Variants in TCEA3 observed in about 807,000 individuals in gnomAD.
TCEA3 encodes transcription elongation factor A3.
TCEA3 carries 36 observed loss-of-function variants against 44.0 expected under a neutral mutation model. That is an observed-to-expected ratio of 0.82 (90% CI 0.63 to 1.08). The LOEUF is 1.08. Ranked by LOEUF, TCEA3 falls within the 50% of genes least tolerant of loss-of-function variation. The pLI is 0.00. For synonymous variants in TCEA3, 162 were observed against 159.7 expected, an observed-to-expected ratio of 1.01 and a Z score of -0.11; for missense variants, 392 against 441.2, an observed-to-expected ratio of 0.89 and a Z score of 1.00.
intron 4 of TCEA3, 125 bp from the exon 5 acceptor site, chr1:23,408,851 A>G: frequency 1.2e-6 from 1 of 847,622 alleles, no homozygotes; most frequent in Non-Finnish European, 1.8e-6. Context: ...CACCCGGGCC[A>G]CAGCTACTTG....
chr1:23,402,908 C>T (rs1187146578), intron 5 of TCEA3, among the ~76,000 whole-genome samples: 1 of 152,196 alleles, frequency 6.6e-6, no homozygotes, highest in Non-Finnish European at 1.5e-5. Context: ...ATGAAAGGCA[C>T]ACCCAGAGGG....
At chr1:23,385,247 G>A (rs920638599) in intron 9 of TCEA3, among the ~76,000 whole-genome samples, 6 of 152,146 alleles carry the variant, frequency 3.9e-5, no homozygotes, top group Non-Finnish European at 7.3e-5. Context: ...AATCAGCTAC[G>A]AATGATGTCA....
At chr1:23,423,064 C>G (rs1198438) in intron 1 of TCEA3, among the ~76,000 whole-genome samples, 114,004 of 152,164 alleles carry the variant, frequency 0.75, 44,625 homozygotes, top group Middle Eastern at 0.89. Flanking sequence ...TCCCTGGCTG[C>G]GCTCTGCCAA....
chr1:23,414,770 T>C (rs1639837677), intron 4 of TCEA3, among the ~76,000 whole-genome samples: 1 of 152,170 alleles, frequency 6.6e-6, no homozygotes, highest in Admixed American at 6.5e-5. Flanking sequence ...TTATAAAAAA[T>C]ACAAAATCGC....
At position 23,397,875 on chromosome 1, in the gene TCEA3, C is replaced by CAA; in HGVS notation, c.523_524insTT (p.Cys175PhefsTer26). 1.2e-6 allele frequency: 2 copies of CAA among 1,613,840 alleles called. No homozygotes were observed. Among genetic ancestry groups the CAA allele is most frequent in the East Asian group, 4.5e-5 (2 of 44,874 alleles). The stretch of plus-strand genomic sequence containing the variant: ...TGTGAGATAGCAGGGGGCCAGGAGA[C>CAA]ACATGGAAGAGGCAAACGTGGGGGT... On this transcript the variant is annotated frameshift_variant, in exon 6 of 11. Coordinates refer to ENST00000450454, the MANE Select transcript of TCEA3 (RefSeq NM_003196.3). LOFTEE classifies it high-confidence loss of function.
At chr1:23,413,162 G>T (rs1401500378) in intron 4 of TCEA3, among the ~76,000 whole-genome samples, 2 of 151,444 alleles carry the variant, frequency 1.3e-5, no homozygotes, top group African/African-American at 4.9e-5. Flanking sequence ...TTTTTAGACT[G>T]AGTCTCACTC....
chr1:23,382,911 C>T (rs1201419848), intron 10 of TCEA3, among the ~76,000 whole-genome samples: 1 of 152,214 alleles, frequency 6.6e-6, no homozygotes, highest in Non-Finnish European at 1.5e-5. Flanking sequence ...AATACATAAT[C>T]ATCTGGTTTT....
chr1:23,405,949 C>G (rs1460545312), intron 5 of TCEA3, among the ~76,000 whole-genome samples: 1 of 152,146 alleles, frequency 6.6e-6, no homozygotes. Flanking sequence ...GTTCCTGCCA[C>G]GAAATGTCAG....
intron 9 of TCEA3, among the ~76,000 whole-genome samples, chr1:23,385,701 T>C (rs1638816368): frequency 6.6e-6 from 1 of 152,236 alleles, no homozygotes; most frequent in Non-Finnish European, 1.5e-5. Context: ...GGGCATACCA[T>C]GTGCAACCCA....
intron 5 of TCEA3, among the ~76,000 whole-genome samples, chr1:23,400,231 A>C (rs1414003957): frequency 6.6e-6 from 1 of 152,160 alleles, no homozygotes; most frequent in Non-Finnish European, 1.5e-5. Flanking sequence ...CCCATTTTAC[A>C]GATGATGGAA....
chr1:23,418,964 A>G (rs1470964687), intron 2 of TCEA3, 113 bp downstream of exon 2: 2 of 372,254 alleles, frequency 5.4e-6, no homozygotes, highest in African/African-American at 4.5e-5. Flanking sequence ...CCCTCCCCAC[A>G]GGCCCCCCTC....
At chr1:23,382,194 G>T (rs987916052) in intron 10 of TCEA3, among the ~76,000 whole-genome samples, 5 of 152,004 alleles carry the variant, frequency 3.3e-5, no homozygotes, top group African/African-American at 1.2e-4. Flanking sequence ...TTACAGGCAT[G>T]TGTCACCACG....
Position 23,399,142 on chromosome 1 carries a change from A to ATG in TCEA3, c.444-1189_444-1188dup, listed in dbSNP as rs1419054820. The stretch of plus-strand genomic sequence containing the variant: ...AGGTTTTGTTTATATATATGTATAT[A>ATG]TGTATATATATATATATATATATAT... On this transcript the variant is annotated intron_variant, in intron 5 of 10. Coordinates refer to ENST00000450454, the MANE Select transcript of TCEA3 (RefSeq NM_003196.3). Among the ~76,000 whole-genome samples the ATG allele has an allele frequency of 2.3e-3, 168 of 72,020 alleles. 2 individuals carry two copies. The highest frequency in any genetic ancestry group is 0.012 in the African/African-American group (159 of 13,288). 47.2% of individuals were successfully genotyped at this position (72,020 alleles called of 152,430 possible).
At chr1:23,419,782 G>A (rs1263573659) in intron 1 of TCEA3, among the ~76,000 whole-genome samples, 1 of 152,190 alleles carries the variant, frequency 6.6e-6, no homozygotes, top group East Asian at 1.9e-4. Context: ...GTTACAGTGA[G>A]CCAAGATCAC....
intron 4 of TCEA3, among the ~76,000 whole-genome samples, chr1:23,415,300 G>C (rs1378307463): frequency 6.6e-6 from 1 of 152,184 alleles, no homozygotes; most frequent in Non-Finnish European, 1.5e-5. Context: ...TGGGATTACA[G>C]GCATGGGCCA....
At chr1:23,423,659 C>T (rs998972837) in intron 1 of TCEA3, among the ~76,000 whole-genome samples, 2 of 152,210 alleles carry the variant, frequency 1.3e-5, no homozygotes, top group Non-Finnish European at 2.9e-5. Context: ...GTGGGAAGGG[C>T]ATGCTCACCA....
chr1:23,398,292 G>A (rs564417688), intron 5 of TCEA3, among the ~76,000 whole-genome samples: 9 of 152,188 alleles, frequency 5.9e-5, no homozygotes, highest in Admixed American at 1.3e-4. Context: ...GCCACTGTGC[G>A]TTACTCATTA....
At chr1:23,422,400 G>A (rs113470323) in intron 1 of TCEA3, among the ~76,000 whole-genome samples, 5,646 of 152,302 alleles carry the variant, frequency 0.037, 143 homozygotes, top group Middle Eastern at 0.15. Flanking sequence ...GCACTTGGTT[G>A]CATGTTTGAA....
chr1:23,424,728 C>T lies in TCEA3; in HGVS notation c.-95G>A, dbSNP rs1449250195. On this transcript the variant is annotated 5_prime_UTR_variant, in exon 1 of 11. Coordinates refer to ENST00000450454, the MANE Select transcript of TCEA3 (RefSeq NM_003196.3). ...GAAGGCGGAGGGCGCGCAACCCGCGCGGGCCCCAAACACACACGACACACA... is the reference window on the plus strand; with the variant it reads ...GAAGGCGGAGGGCGCGCAACCCGCGTGGGCCCCAAACACACACGACACACA... 7 of 946,650 alleles carry T rather than the reference C, an allele frequency of 7.4e-6. No homozygotes were observed. Among genetic ancestry groups the T allele is most frequent in the Non-Finnish European group, 1.1e-5 (7 of 624,806 alleles). 58.6% of individuals were successfully genotyped at this position (946,650 alleles called of 1,614,324 possible).
Sources: gnomAD v4.1 joint callset for allele counts (sites outside exome capture counted in the v4.1 genomes callset) on GRCh38, gnomAD v4.1.1 for gene constraint, MANE v1.5 for transcripts, NCBI Gene and HGNC (gene_info 2026-07-23, HGNC 2026-07-21) for gene names.